AGTPBP1: variants seen among roughly 807,000 people sequenced by gnomAD.
The protein encoded by AGTPBP1 is cytosolic carboxypeptidase 1.
A neutral mutation model predicts 143.9 loss-of-function variants in AGTPBP1; 70 were observed. The observed-to-expected ratio is 0.49, with a 90% CI of 0.40 to 0.59. The LOEUF (loss-of-function observed/expected upper bound fraction) is 0.59, where lower values mean the gene tolerates loss of function less well. Ranked by LOEUF, AGTPBP1 falls within the 20% of genes least tolerant of loss-of-function variation. The pLI, the probability that AGTPBP1 is intolerant of heterozygous loss-of-function variation, is 0.00. For synonymous variants in AGTPBP1, 463 were observed against 500.2 expected, an observed-to-expected ratio of 0.93 and a Z score of 0.99; for missense variants, 1,229 against 1,464.5, an observed-to-expected ratio of 0.84 and a Z score of 2.62.
chr9:85,590,868 G>A, intron 19 of AGTPBP1, among the ~76,000 whole-genome samples: 1 of 152,124 alleles, frequency 6.6e-6, no homozygotes, highest in Non-Finnish European at 1.5e-5. Flanking sequence ...CAAAGAATCT[G>A]ACACAGAATG....
intron 24 of AGTPBP1, among the ~76,000 whole-genome samples, chr9:85,576,750 T>C (rs1009706798): frequency 1.3e-5 from 2 of 152,178 alleles, no homozygotes; most frequent in Admixed American, 1.3e-4. Flanking sequence ...CTCTGTGTGC[T>C]TTCCACTCAA....
At chr9:85,652,207 T>C (rs1394322873) in intron 11 of AGTPBP1, among the ~76,000 whole-genome samples, 1 of 151,930 alleles carries the variant, frequency 6.6e-6, no homozygotes, top group Non-Finnish European at 1.5e-5. Context: ...CCCTAAACAA[T>C]GGTATAAAAG....
chr9:85,801,804 T>TG, the AGTPBP1 span, among the ~76,000 whole-genome samples: 1 of 152,220 alleles, frequency 6.6e-6, no homozygotes, highest in African/African-American at 2.4e-5. Context: ...CAGCCTAATT[T>TG]GAAGAATTCA....
At chr9:85,714,078 T>C (rs1162314583) in intron 1 of AGTPBP1, among the ~76,000 whole-genome samples, 1 of 152,202 alleles carries the variant, frequency 6.6e-6, no homozygotes, top group Non-Finnish European at 1.5e-5. Context: ...TGGTGAGCAC[T>C]AATATCATAG....
chr9:85,631,353 CT>C (rs1440391320), intron 14 of AGTPBP1, among the ~76,000 whole-genome samples: 53 of 152,356 alleles, frequency 3.5e-4, no homozygotes, highest in Non-Finnish European at 5.9e-4. Flanking sequence ...TTCTAATTTA[CT>C]GTATGCACTG....
At chr9:85,766,921 T>C in the AGTPBP1 span, among the ~76,000 whole-genome samples, 1 of 152,112 alleles carries the variant, frequency 6.6e-6, no homozygotes, top group Non-Finnish European at 1.5e-5. Flanking sequence ...TTCCTAATTT[T>C]ATTACTTTAA....
At chr9:85,556,729 T>G (rs62566877) in intron 25 of AGTPBP1, among the ~76,000 whole-genome samples, 2,467 of 152,286 alleles carry the variant, frequency 0.016, 30 homozygotes, top group Middle Eastern at 0.054. Flanking sequence ...AGAAGAGACA[T>G]TTTATGATAA....
the AGTPBP1 span, among the ~76,000 whole-genome samples, chr9:85,781,015 G>A: frequency 6.6e-6 from 1 of 152,162 alleles, no homozygotes; most frequent in Non-Finnish European, 1.5e-5. Flanking sequence ...TACTTGGGAG[G>A]CGGAGGCAGG....
the AGTPBP1 span, chr9:85,781,085 A>T: frequency 7.5e-7 from 1 of 1,329,600 alleles, no homozygotes; most frequent in South Asian, 1.6e-5. Context: ...ACGCCACTGC[A>T]CTCTAGCCTG....
At chr9:85,770,766 G>T in the AGTPBP1 span, among the ~76,000 whole-genome samples, 2 of 152,048 alleles carry the variant, frequency 1.3e-5, no homozygotes, top group African/African-American at 4.8e-5. Context: ...AAGAATTTAA[G>T]TTATATTCCT....
At chr9:85,657,140 C>T (rs1284484309) in intron 10 of AGTPBP1, among the ~76,000 whole-genome samples, 2 of 149,552 alleles carry the variant, frequency 1.3e-5, no homozygotes, top group Admixed American at 6.7e-5. Flanking sequence ...TGTAACTAAC[C>T]TGCACAATGT....
At chr9:85,785,224 C>A in the AGTPBP1 span, among the ~76,000 whole-genome samples, 1 of 152,106 alleles carries the variant, frequency 6.6e-6, no homozygotes, top group Non-Finnish European at 1.5e-5. Flanking sequence ...GTCCCAGCTA[C>A]TCCGGAGGCT....
intron 13 of AGTPBP1, among the ~76,000 whole-genome samples, chr9:85,635,676 AG>A (rs1831989686): frequency 6.6e-6 from 1 of 152,178 alleles, no homozygotes; most frequent in Non-Finnish European, 1.5e-5. Context: ...TTGCTAAACC[AG>A]GTGACCTTGG....
intron 2 of AGTPBP1, among the ~76,000 whole-genome samples, chr9:85,709,301 C>T (rs11141071): frequency 0.044 from 6,651 of 152,152 alleles, 130 homozygotes; most frequent in East Asian, 0.053. Context: ...TCTCAGCATA[C>T]TAGAATATAA....
intron 6 of AGTPBP1, among the ~76,000 whole-genome samples, chr9:85,674,776 G>C (rs1834717819): frequency 6.6e-6 from 1 of 152,124 alleles, no homozygotes; most frequent in African/African-American, 2.4e-5. Context: ...AGATATGCTA[G>C]AAATACGTAT....
the AGTPBP1 span, chr9:85,805,280 C>G: frequency 6.6e-6 from 1 of 152,202 alleles, no homozygotes; most frequent in Non-Finnish European, 1.5e-5. Flanking sequence ...CGCCCCCGCC[C>G]CGAGGCTCTC....
chr9:85,686,289 G>A (rs778568058), intron 3 of AGTPBP1, among the ~76,000 whole-genome samples: 16 of 152,004 alleles, frequency 1.1e-4, no homozygotes, highest in African/African-American at 3.6e-4. Flanking sequence ...AACAGCAACC[G>A]TAGGAAAGCT....
the AGTPBP1 span, chr9:85,781,118 T>C: frequency 7.0e-7 from 1 of 1,438,530 alleles, no homozygotes; most frequent in African/African-American, 1.5e-5. Flanking sequence ...AGACTCCGTT[T>C]CAAAAAGACA....
intron 14 of AGTPBP1, among the ~76,000 whole-genome samples, chr9:85,627,566 TA>T (rs957081330): frequency 5.3e-5 from 8 of 152,282 alleles, no homozygotes; most frequent in African/African-American, 1.7e-4. Context: ...CTGCTCACCA[TA>T]ACTCCCATGT....
Sources: gnomAD v4.1 joint callset for allele counts (sites outside exome capture counted in the v4.1 genomes callset) on GRCh38, gnomAD v4.1.1 for gene constraint, MANE v1.5 for transcripts, NCBI Gene and HGNC (gene_info 2026-07-23, HGNC 2026-07-21) for gene names.